KATNAL2: variants seen among roughly 807,000 people sequenced by gnomAD.
KATNAL2 encodes katanin p60 ATPase-containing subunit A-like 2.
Under a neutral mutation model 76.3 loss-of-function variants are expected in KATNAL2, and 52 were observed. The ratio of observed to expected loss-of-function variants is 0.68; its 90% CI spans 0.55 to 0.86. The LOEUF (loss-of-function observed/expected upper bound fraction) is 0.86, where lower values mean the gene tolerates loss of function less well. Ranked by LOEUF, KATNAL2 falls within the 40% of genes least tolerant of loss-of-function variation. The pLI is 0.00. For missense variants in KATNAL2, 660 were observed against 668.9 expected (o/e 0.99, Z 0.15); for synonymous variants, 243 against 244.2 (o/e 1.00, Z 0.05).
chr18:46,955,215 G>C (rs1290593214), intron 3 of KATNAL2, among the ~76,000 whole-genome samples: 1 of 77,298 alleles, frequency 1.3e-5, no homozygotes, highest in Non-Finnish European at 2.8e-5. Context: ...CTCTCTCTCT[G>C]TCTTTCTTTT....
At chr18:46,960,985 C>G (rs2059922827) in intron 3 of KATNAL2, among the ~76,000 whole-genome samples, 1 of 152,140 alleles carries the variant, frequency 6.6e-6, no homozygotes, top group Non-Finnish European at 1.5e-5. Flanking sequence ...GGGCTTACAA[C>G]ACTAAGGGGA....
At chr18:46,937,400 T>A (rs1419226071) in intron 1 of KATNAL2, among the ~76,000 whole-genome samples, 1 of 151,890 alleles carries the variant, frequency 6.6e-6, no homozygotes, top group Non-Finnish European at 1.5e-5. Flanking sequence ...TTATTATTAT[T>A]TTCTATTTAT....
intron 13 of KATNAL2, among the ~76,000 whole-genome samples, chr18:47,070,896 C>G (rs1283142884): frequency 6.6e-6 from 1 of 152,186 alleles, no homozygotes; most frequent in Non-Finnish European, 1.5e-5. Context: ...TTGCATCTAA[C>G]TCAGTGCCAG....
At chr18:47,047,670 A>G (rs2061203426) in intron 4 of KATNAL2, among the ~76,000 whole-genome samples, 1 of 152,160 alleles carries the variant, frequency 6.6e-6, no homozygotes, top group Non-Finnish European at 1.5e-5. Context: ...TTTCTTTTCA[A>G]ATTTCAGCCA....
chr18:47,097,148 CTGTG>C lies in KATNAL2; in HGVS notation c.1212-2089_1212-2086del, dbSNP rs948647595. Among the ~76,000 whole-genome samples, 16 of 143,086 alleles carry C rather than the reference CTGTG, an allele frequency of 1.1e-4. 1 individual carries two copies. Among genetic ancestry groups the C allele is most frequent in the African/African-American group, 3.5e-4 (14 of 39,964 alleles). The allele number at this position is 143,086 out of a possible 152,430, so 93.9% of individuals were successfully genotyped here. A position where few individuals can be genotyped will look rare whatever the true frequency, so the allele number is the denominator to read the frequency against. ...AAAAAAAAAAAAAAAAAATCCAACT[CTGTG>C]TGTGTATGTGTGTGTTTAATCAGCA... On this transcript the variant is annotated intron_variant, in intron 15 of 17. Coordinates refer to ENST00000683218, the MANE Select transcript of KATNAL2 (RefSeq NM_001387690.1).
chr18:46,956,010 G>C (rs1297514122), intron 3 of KATNAL2, among the ~76,000 whole-genome samples: 2 of 152,342 alleles, frequency 1.3e-5, no homozygotes, highest in East Asian at 3.9e-4. Flanking sequence ...GTTGGTTTCA[G>C]AGAAGTGAAT....
At chr18:46,934,333 C>T (rs2059025440) in intron 1 of KATNAL2, among the ~76,000 whole-genome samples, 2 of 152,130 alleles carry the variant, frequency 1.3e-5, no homozygotes, top group South Asian at 2.1e-4. Flanking sequence ...TTTTAATGAT[C>T]GCCATTCTAA....
intron 3 of KATNAL2, among the ~76,000 whole-genome samples, chr18:47,035,816 A>G (rs1388711237): frequency 6.6e-6 from 1 of 152,228 alleles, no homozygotes; most frequent in African/African-American, 2.4e-5. Flanking sequence ...CAAAAAACAC[A>G]GACTGAATCT....
At chr18:47,067,209 G>T in intron 11 of KATNAL2, 90 bp downstream of exon 11, 1 of 564,640 alleles carries the variant, frequency 1.8e-6, no homozygotes, top group East Asian at 3.2e-5. Flanking sequence ...GGGAAGGGCA[G>T]GATGATTTTC....
intron 14 of KATNAL2, chr18:47,076,070 A>G (rs1486565849): frequency 2.0e-5 from 3 of 152,114 alleles, no homozygotes; most frequent in Non-Finnish European, 4.4e-5. Flanking sequence ...TAAATCTGGC[A>G]CCCCTGGCTT....
chr18:46,939,493 A>G (rs918115638), intron 1 of KATNAL2, among the ~76,000 whole-genome samples: 1 of 152,214 alleles, frequency 6.6e-6, no homozygotes, highest in African/African-American at 2.4e-5. Context: ...GCCAAAACCC[A>G]TAAAGTATTC....
chr18:46,965,616 C>G (rs1271967984), intron 3 of KATNAL2, among the ~76,000 whole-genome samples: 2 of 102,878 alleles, frequency 1.9e-5, no homozygotes, highest in East Asian at 2.5e-4. Flanking sequence ...TGGCCATGAC[C>G]TCTGCTCTTG....
At position 47,063,316 on chromosome 18, in the gene KATNAL2, T is replaced by C. The variant is rs751409697; in HGVS notation, c.681T>C (p.Ile227=). Residue 227 remains isoleucine, a synonymous_variant, in exon 10 of 18, where the codon ATT becomes ATC. Transcript: ENST00000683218. ...ERLLKPLSAF[I]GMNSEMRELA... ...TGCTGAAACCTCTGAGTGCATTTAT[T>C]GGCATGAACAGTGAGATGCGAGAAT... 2.8e-5 allele frequency: 45 copies of C among 1,613,998 alleles called. No homozygotes were observed. Among genetic ancestry groups the C allele is most frequent in the Middle Eastern group, 1.7e-4 (1 of 6,056 alleles).
intron 1 of KATNAL2, among the ~76,000 whole-genome samples, chr18:46,924,869 A>G (rs964468125): frequency 4.6e-5 from 7 of 152,170 alleles, no homozygotes; most frequent in Non-Finnish European, 7.3e-5. Flanking sequence ...GAGTTCACTC[A>G]CGATTTGGCT....
intron 3 of KATNAL2, among the ~76,000 whole-genome samples, chr18:46,960,330 T>G (rs1421140463): frequency 4.6e-5 from 7 of 151,718 alleles, no homozygotes; most frequent in Admixed American, 4.6e-4. Context: ...TGCCAGCTAC[T>G]CGGGAGGCTA....
intron 15 of KATNAL2, among the ~76,000 whole-genome samples, chr18:47,092,246 C>G (rs987487813): frequency 4.6e-5 from 7 of 152,184 alleles, no homozygotes; most frequent in Admixed American, 1.3e-4. Context: ...CGCCTGTAAT[C>G]CCAGCACTTT....
intron 1 of KATNAL2, among the ~76,000 whole-genome samples, chr18:46,930,965 TG>T (rs1335274894): frequency 6.6e-6 from 1 of 151,878 alleles, no homozygotes; most frequent in East Asian, 1.9e-4. Flanking sequence ...TAGCCAGGCA[TG>T]GTGGCACACG....
intron 3 of KATNAL2, among the ~76,000 whole-genome samples, chr18:47,032,010 G>C (rs371815785): frequency 2.0e-5 from 3 of 152,282 alleles, no homozygotes; most frequent in African/African-American, 7.2e-5. Flanking sequence ...CGTGTGATCT[G>C]AACTCAAGGT....
At chr18:46,930,708 G>A (rs2058881636) in intron 1 of KATNAL2, among the ~76,000 whole-genome samples, 1 of 151,786 alleles carries the variant, frequency 6.6e-6, no homozygotes, top group Non-Finnish European at 1.5e-5. Flanking sequence ...CCAGCTAGTT[G>A]GGAGGCTGAG....
Sources: gnomAD v4.1 joint callset for allele counts (sites outside exome capture counted in the v4.1 genomes callset) on GRCh38, gnomAD v4.1.1 for gene constraint, MANE v1.5 for transcripts, NCBI Gene and HGNC (gene_info 2026-07-23, HGNC 2026-07-21) for gene names.